The following CPA6 variants were observed in gnomAD, a reference collection of about 807,000 sequenced individuals.
CPA6 encodes carboxypeptidase B.
A neutral mutation model predicts 63.3 loss-of-function variants in CPA6; 58 were observed. That is an observed-to-expected ratio of 0.92 (90% CI 0.74 to 1.14). CPA6 has a LOEUF of 1.14. Ranked by LOEUF, CPA6 falls within the 50% of genes most tolerant of loss-of-function variation. The probability of loss-of-function intolerance (pLI) is 0.00; values close to 1 mark genes in which losing one functional copy is unlikely to be tolerated. For synonymous variants in CPA6, 185 were observed against 179.0 expected, an observed-to-expected ratio of 1.03 and a Z score of -0.27; for missense variants, 565 against 526.6, an observed-to-expected ratio of 1.07 and a Z score of -0.71.
intron 2 of CPA6, among the ~76,000 whole-genome samples, chr8:67,533,676 AAAG>A (rs1190666715): frequency 6.6e-6 from 1 of 152,234 alleles, no homozygotes; most frequent in African/African-American, 2.4e-5. Flanking sequence ...TATAAAGAGA[AAAG>A]AAGGCATTTA....
chr8:67,503,262 C>T (rs926576781), intron 6 of CPA6, among the ~76,000 whole-genome samples: 6 of 151,988 alleles, frequency 3.9e-5, no homozygotes, highest in Middle Eastern at 3.4e-3. Flanking sequence ...TGGTCTTGAA[C>T]TCCTGATCTC....
chr8:67,615,648 A>G (rs1814926243), intron 2 of CPA6, among the ~76,000 whole-genome samples: 1 of 152,220 alleles, frequency 6.6e-6, no homozygotes, highest in Admixed American at 6.5e-5. Context: ...AAGAGTCACT[A>G]GTCCTTGCTC....
chr8:67,446,002 C>G (rs1046092311), intron 8 of CPA6, among the ~76,000 whole-genome samples: 1 of 152,148 alleles, frequency 6.6e-6, no homozygotes, highest in African/African-American at 2.4e-5. Flanking sequence ...CGGTGGCTCA[C>G]GCCTGTAATC....
At chr8:67,579,808 T>C (rs1813720896) in intron 2 of CPA6, among the ~76,000 whole-genome samples, 1 of 152,258 alleles carries the variant, frequency 6.6e-6, no homozygotes, top group Non-Finnish European at 1.5e-5. Context: ...AACATAGTTA[T>C]GCTCATTCGC....
intron 8 of CPA6, among the ~76,000 whole-genome samples, chr8:67,434,763 C>G (rs1369970958): frequency 6.6e-6 from 1 of 152,224 alleles, no homozygotes. Context: ...CCAGACCAAC[C>G]CCTTCCTCAG....
chr8:67,657,380 T>C (rs1396782628), intron 1 of CPA6, among the ~76,000 whole-genome samples: 1 of 152,208 alleles, frequency 6.6e-6, no homozygotes, highest in Non-Finnish European at 1.5e-5. Flanking sequence ...AATTCTTAAC[T>C]AGGACAAAGA....
At chr8:67,502,946 T>G (rs1424017641) in intron 6 of CPA6, among the ~76,000 whole-genome samples, 2 of 152,238 alleles carry the variant, frequency 1.3e-5, no homozygotes, top group Admixed American at 1.3e-4. Flanking sequence ...GAAAGTGTAT[T>G]CTGCTCTTGT....
intron 2 of CPA6, among the ~76,000 whole-genome samples, chr8:67,587,717 G>A (rs954230823): frequency 1.3e-5 from 2 of 152,162 alleles, no homozygotes; most frequent in Non-Finnish European, 2.9e-5. Context: ...TGGTTGGCAT[G>A]TGTTTGGTGG....
intron 1 of CPA6, among the ~76,000 whole-genome samples, chr8:67,694,271 G>T (rs111457186): frequency 1.3e-5 from 2 of 152,200 alleles, no homozygotes; most frequent in Non-Finnish European, 2.9e-5. Flanking sequence ...CCTTTGGCAG[G>T]CCTGTATAGG....
chr8:67,427,095 C>T (rs1469375270), intron 10 of CPA6, among the ~76,000 whole-genome samples: 2 of 152,182 alleles, frequency 1.3e-5, no homozygotes, highest in African/African-American at 4.8e-5. Flanking sequence ...TTTCTTCCTG[C>T]ATGCAGCAAA....
At chr8:67,614,169 T>C (rs1491003607) in intron 2 of CPA6, among the ~76,000 whole-genome samples, 1 of 152,140 alleles carries the variant, frequency 6.6e-6, no homozygotes, top group Non-Finnish European at 1.5e-5. Context: ...TGAAAGAGCT[T>C]TGTAACTCCT....
intron 1 of CPA6, among the ~76,000 whole-genome samples, chr8:67,670,756 A>C (rs1178641256): frequency 6.6e-6 from 1 of 152,158 alleles, no homozygotes; most frequent in Non-Finnish European, 1.5e-5. Flanking sequence ...CATCAAGTAC[A>C]TGTCTTTACC....
intron 2 of CPA6, among the ~76,000 whole-genome samples, chr8:67,536,012 T>G (rs1256991095): frequency 3.9e-5 from 6 of 152,162 alleles, no homozygotes; most frequent in Non-Finnish European, 7.4e-5. Flanking sequence ...ATCAGTTGGT[T>G]GTAGATGTGT....
chr8:67,689,647 TACC>T (rs1395053128), intron 1 of CPA6, among the ~76,000 whole-genome samples: 2 of 152,274 alleles, frequency 1.3e-5, no homozygotes, highest in East Asian at 1.9e-4. Context: ...GGTATATATG[TACC>T]ACATTTTCTT....
At chr8:67,636,612 GAAGGA>G (rs1815474803) in intron 1 of CPA6, among the ~76,000 whole-genome samples, 1 of 151,410 alleles carries the variant, frequency 6.6e-6, no homozygotes, top group South Asian at 2.1e-4. Flanking sequence ...TGTGTTTTCA[GAAGGA>G]AAGATTTAGG....
chr8:67,507,668 G>A (rs1023086660), intron 5 of CPA6, among the ~76,000 whole-genome samples: 1 of 152,118 alleles, frequency 6.6e-6, no homozygotes, highest in African/African-American at 2.4e-5. Context: ...TACACTAGTG[G>A]AGAGGGCAAA....
chr8:67,641,114 G>A (rs542859908), intron 1 of CPA6, among the ~76,000 whole-genome samples: 24 of 151,846 alleles, frequency 1.6e-4, no homozygotes, highest in Non-Finnish European at 2.8e-4. Context: ...TGCTGCAGCC[G>A]GCATGATGGC....
At chr8:67,697,330 G>A (rs541990252) in intron 1 of CPA6, among the ~76,000 whole-genome samples, 36 of 152,320 alleles carry the variant, frequency 2.4e-4, no homozygotes, top group African/African-American at 8.4e-4. Context: ...AGAGACTTCT[G>A]CTGTTCTCAG....
chr8:67,506,969 A>G, intron 5 of CPA6, 81 bp from the exon 6 acceptor site: 1 of 1,004,742 alleles, frequency 1.0e-6, no homozygotes, highest in East Asian at 2.4e-5. Context: ...TTTCAGCATA[A>G]TTCTTCACTG....
Sources: allele counts gnomAD v4.1 joint callset (sites outside exome capture counted in the v4.1 genomes callset), GRCh38; gene constraint gnomAD v4.1.1; transcripts MANE v1.5; gene names NCBI Gene and HGNC (gene_info 2026-07-23, HGNC 2026-07-21).